The following KANK1 variants were observed in gnomAD, a reference collection of about 807,000 sequenced individuals.
KANK1 encodes the protein KN motif and ankyrin repeat domain-containing protein 1.
KANK1 carries 109 observed loss-of-function variants against 106.2 expected under a neutral mutation model. That is an observed-to-expected ratio of 1.03 (90% CI 0.88 to 1.20). KANK1 has a LOEUF of 1.20. Ranked by LOEUF, KANK1 falls within the 50% of genes most tolerant of loss-of-function variation. The pLI is 0.00. For synonymous variants in KANK1, 873 were observed against 652.2 expected (o/e 1.34, Z -5.16); for missense variants, 2,399 against 1,710.7 (o/e 1.40, Z -7.10).
chr9:631,372 G>A (rs2136785470), intron 1 of KANK1, among the ~76,000 whole-genome samples: 1 of 152,186 alleles, frequency 6.6e-6, no homozygotes, highest in South Asian at 2.1e-4. Flanking sequence ...TAGTCTCCTT[G>A]GCATTCCATC....
chr9:717,641 G>A (rs1294877200), intron 3 of KANK1, among the ~76,000 whole-genome samples: 1 of 152,058 alleles, frequency 6.6e-6, no homozygotes. Context: ...AAATAAAAAA[G>A]TTAAGAGGAA....
chr9:479,314 A>G (rs566360784), intron 3 of KANK1, among the ~76,000 whole-genome samples: 3 of 152,342 alleles, frequency 2.0e-5, no homozygotes, highest in Admixed American at 6.5e-5. Context: ...TGGGTATTTA[A>G]TGGAAGAACA....
At position 546,830 on chromosome 9, in the gene KANK1, A is replaced by G. The variant is rs544557751; in HGVS notation, c.-84+42076A>G. Among the ~76,000 whole-genome samples the G allele has an allele frequency of 4.6e-5, 7 of 152,232 alleles. 1 individual carries two copies. Among genetic ancestry groups the G allele is most frequent in the South Asian group, 4.2e-4 (2 of 4,816 alleles). ...CTAAAGTAGCCCATACTTGAGTGCT[A>G]TGTTGATAAGGCTCTAATGCATAGT... On this transcript the variant is annotated intron_variant, in intron 1 of 11. Transcript: ENST00000382297.
chr9:586,527 G>A (rs548063551), intron 1 of KANK1, among the ~76,000 whole-genome samples: 1 of 152,156 alleles, frequency 6.6e-6, no homozygotes, highest in Admixed American at 6.5e-5. Flanking sequence ...AATGACGAGA[G>A]AGATGACTTG....
intron 1 of KANK1, among the ~76,000 whole-genome samples, chr9:572,924 A>T (rs528190971): frequency 6.6e-6 from 1 of 152,350 alleles, no homozygotes; most frequent in South Asian, 2.1e-4. Context: ...TTGCCTTTTC[A>T]TACTTTGCAG....
chr9:720,878 G>T (rs1564076189), intron 3 of KANK1, among the ~76,000 whole-genome samples: 1 of 152,222 alleles, frequency 6.6e-6, no homozygotes, highest in South Asian at 2.1e-4. Context: ...AGTGGCCCAG[G>T]GCTGTTAATT....
intron 1 of KANK1, among the ~76,000 whole-genome samples, chr9:673,197 C>CTTTT (rs1563964937): frequency 1.7e-5 from 2 of 114,762 alleles, no homozygotes; most frequent in South Asian, 2.7e-4. Context: ...GTGACAGTGT[C>CTTTT]TTCTTTTTTT....
intron 2 of KANK1, chr9:706,672 G>C (rs561901653): frequency 3.6e-6 from 2 of 559,598 alleles, no homozygotes; most frequent in East Asian, 2.9e-4. Flanking sequence ...CAGTGGCAAA[G>C]GCTCAGTTGA....
chr9:508,360 C>T (rs1190057247), intron 1 of KANK1, among the ~76,000 whole-genome samples: 2 of 152,056 alleles, frequency 1.3e-5, no homozygotes, highest in African/African-American at 4.8e-5. Flanking sequence ...TGGTCTCGAA[C>T]TCCCGACCTC....
chr9:485,932 G>A (rs545508181), intron 3 of KANK1, among the ~76,000 whole-genome samples: 1 of 151,940 alleles, frequency 6.6e-6, no homozygotes, highest in Admixed American at 6.5e-5. Flanking sequence ...GAGTCCGGAG[G>A]TCCCTGGTTG....
intron 3 of KANK1, among the ~76,000 whole-genome samples, chr9:715,409 C>T (rs997609103): frequency 1.3e-5 from 2 of 152,128 alleles, no homozygotes; most frequent in African/African-American, 2.4e-5. Flanking sequence ...CATTTTGTTC[C>T]CAGCCTTCCT....
chr9:572,371 A>T (rs935151666), intron 1 of KANK1, among the ~76,000 whole-genome samples: 2 of 151,994 alleles, frequency 1.3e-5, no homozygotes, highest in African/African-American at 4.8e-5. Flanking sequence ...TAACACAGTG[A>T]AACCCCGTCT....
chr9:670,948 A>AGTTTTTT (rs1259288220), intron 1 of KANK1, among the ~76,000 whole-genome samples: 10 of 65,746 alleles, frequency 1.5e-4, no homozygotes, highest in African/African-American at 5.7e-4. Context: ...TGTCTGCTGG[A>AGTTTTTT]GTTTTTTTTT....
chr9:741,300 A>T (rs1234922716), intron 9 of KANK1, among the ~76,000 whole-genome samples: 1 of 150,736 alleles, frequency 6.6e-6, no homozygotes, highest in Non-Finnish European at 1.5e-5. Context: ...ACAGTGTCCC[A>T]GGTCCAGATG....
chr9:602,031 G>C (rs1458996506), intron 1 of KANK1, among the ~76,000 whole-genome samples: 1 of 151,844 alleles, frequency 6.6e-6, no homozygotes, highest in Non-Finnish European at 1.5e-5. Flanking sequence ...TAGGTAGTCA[G>C]TCACTTTGAT....
chr9:628,349 C>T (rs1834853821), intron 1 of KANK1, among the ~76,000 whole-genome samples: 1 of 152,204 alleles, frequency 6.6e-6, no homozygotes, highest in Non-Finnish European at 1.5e-5. Context: ...TGCCTTCTTC[C>T]TAACTTTGGT....
At position 712,300 on chromosome 9, in the gene KANK1, T is replaced by A; in HGVS notation, c.1534T>A (p.Phe512Ile). Residue 512 changes from phenylalanine to isoleucine, a missense_variant, in exon 3 of 12, where the codon TTC (phenylalanine) becomes ATC (isoleucine). By Grantham distance (21) the Phe-to-Ile change is conservative. Transcript: ENST00000382297. Reference sequence around the variant, plus strand: ...AGCCACGATGGCCCAGCCGCTTGTTTTCAGTAAGGTGGTGGAGGCAGTGGT... The same window carrying A: ...AGCCACGATGGCCCAGCCGCTTGTTATCAGTAAGGTGGTGGAGGCAGTGGT... ...DKATMAQPLV[F>I]SKVVEAVVQT... 2 of 1,614,138 alleles carry A rather than the reference T, an allele frequency of 1.2e-6. No individual in the cohort carries two copies. The highest frequency in any genetic ancestry group is 1.7e-6 in the Non-Finnish European group (2 of 1,180,028).
At chr9:613,999 C>G (rs575057009) in intron 1 of KANK1, among the ~76,000 whole-genome samples, 1 of 152,186 alleles carries the variant, frequency 6.6e-6, no homozygotes, top group Non-Finnish European at 1.5e-5. Context: ...GAAGAAGGCG[C>G]TGTGCATAGC....
chr9:713,812 T>TA (rs35435418), intron 3 of KANK1, among the ~76,000 whole-genome samples: 59,409 of 152,014 alleles, frequency 0.39, 12,071 homozygotes, highest in Middle Eastern at 0.54. Context: ...GAACTGCCTT[T>TA]AAAAAATCCT....
Sources: allele counts gnomAD v4.1 joint callset (sites outside exome capture counted in the v4.1 genomes callset), GRCh38; gene constraint gnomAD v4.1.1; transcripts MANE v1.5; gene names NCBI Gene and HGNC (gene_info 2026-07-23, HGNC 2026-07-21).